HIF1AN: variants seen among roughly 807,000 people sequenced by gnomAD.
HIF1AN encodes hypoxia-inducible factor 1-alpha inhibitor.
HIF1AN carries 21 observed loss-of-function variants against 47.7 expected under a neutral mutation model. The observed-to-expected ratio is 0.44, with a 90% CI of 0.31 to 0.63. The LOEUF (loss-of-function observed/expected upper bound fraction) is 0.63. Among genes scored for constraint, HIF1AN ranks in the 30% least tolerant of loss-of-function variants. The pLI is 0.07. For missense variants in HIF1AN, 320 were observed against 432.7 expected, an observed-to-expected ratio of 0.74 and a Z score of 2.31; for synonymous variants, 152 against 155.9, an observed-to-expected ratio of 0.98 and a Z score of 0.18.
rs112366763 is a variant in HIF1AN, at chr10:100,546,215, C to T, written c.830+166C>T. The stretch of plus-strand genomic sequence containing the variant: ...GTACTGAACCTGTGGGGGATAGTGG[C>T]GGGAATGATAGCCCTGTCTCTAGGA... On this transcript the variant is annotated intron_variant, in intron 5 of 7. Coordinates refer to ENST00000299163, the MANE Select transcript of HIF1AN (RefSeq NM_017902.3). 3.8e-3 allele frequency among the ~76,000 whole-genome samples: 573 copies of T among 152,190 alleles called. 7 individuals carry two copies. The highest frequency in any genetic ancestry group is 0.013 in the African/African-American group (549 of 41,506).
intron 7 of HIF1AN, 103 bp from the exon 8 acceptor site, chr10:100,547,990 G>T: frequency 9.8e-7 from 1 of 1,020,200 alleles, no homozygotes; most frequent in Admixed American, 1.9e-5. Context: ...TGAAAACATT[G>T]TCTCTGTCCT....
Position 100,543,943 on chromosome 10 carries a change from G to A in HIF1AN, c.578-1008G>A, listed in dbSNP as rs536880574. Among the ~76,000 whole-genome samples the A allele has an allele frequency of 2.6e-5, 4 of 152,308 alleles. No homozygotes were observed. The East Asian group carries it at 7.7e-4, about 29-fold the overall frequency. ...GGGTGCATGGAAGTGGATCCCTCAGGTAGAGATGAGAGAGCAAGTCTGCTT... is the reference window on the plus strand; with the variant it reads ...GGGTGCATGGAAGTGGATCCCTCAGATAGAGATGAGAGAGCAAGTCTGCTT... On this transcript the variant is annotated intron_variant, in intron 3 of 7. Coordinates refer to ENST00000299163, the MANE Select transcript of HIF1AN (RefSeq NM_017902.3).
At chr10:100,537,965 AT>A (rs1162567181) in intron 2 of HIF1AN, among the ~76,000 whole-genome samples, 1 of 152,220 alleles carries the variant, frequency 6.6e-6, no homozygotes, top group Non-Finnish European at 1.5e-5. Flanking sequence ...ATTTTCTAAA[AT>A]TTAACACAGT....
chr10:100,546,257 C>G (rs1843092907), intron 5 of HIF1AN, among the ~76,000 whole-genome samples: 1 of 152,058 alleles, frequency 6.6e-6, no homozygotes, highest in African/African-American at 2.4e-5. Flanking sequence ...GACGGTTCTT[C>G]AAGTCCAAAG....
At chr10:100,541,147 C>T (rs1017785940) in intron 3 of HIF1AN, among the ~76,000 whole-genome samples, 8 of 152,034 alleles carry the variant, frequency 5.3e-5, no homozygotes, top group African/African-American at 1.2e-4. Flanking sequence ...TGAACCCAGG[C>T]GGTGGAGGTT....
rs1187624225 is a variant in HIF1AN, at chr10:100,536,473, C to G, written c.240C>G (p.Tyr80Ter). The G allele has an allele frequency of 6.2e-7, 1 of 1,614,018 alleles. No individual in the cohort carries two copies. The highest frequency in any genetic ancestry group is 8.5e-7 in the Non-Finnish European group (1 of 1,179,972). ...VYPALKWDLE[Y>*]LQENIGNGDF... ...CTGCCCTGAAATGGGACCTTGAATA[C>G]CTGCAAGAGAATATTGGCAATGGAG... Residue 80 changes from tyrosine to a stop codon, truncating the protein, a stop_gained, in exon 2 of 8, where the codon TAC becomes TAG. Transcript: ENST00000299163. LOFTEE classifies it high-confidence loss of function.
Position 100,555,352 on chromosome 10 carries a change from G to C in HIF1AN, c.*7215G>C, listed in dbSNP as rs147104485. ...GTAGCCCTCCACCGTTCTCATTTGTGTTCTGGCCTCTGGAGCCACCCTGCC... is the reference window on the plus strand; with the variant it reads ...GTAGCCCTCCACCGTTCTCATTTGTCTTCTGGCCTCTGGAGCCACCCTGCC... On this transcript the variant is annotated 3_prime_UTR_variant, in exon 8 of 8. Coordinates refer to ENST00000299163, the MANE Select transcript of HIF1AN (RefSeq NM_017902.3). 6.6e-6 allele frequency: 1 copy of C among 152,232 alleles called. No individual in the cohort carries two copies. Among genetic ancestry groups the C allele is most frequent in the Admixed American group, 6.5e-5 (1 of 15,282 alleles). 9.4% of individuals were successfully genotyped at this position (152,232 alleles called of 1,614,324 possible).
Position 100,553,992 on chromosome 10 carries a change from T to C in HIF1AN, c.*5855T>C, listed in dbSNP as rs1443404155. The C allele has an allele frequency of 2.6e-5, 4 of 151,820 alleles. No homozygotes were observed. Among genetic ancestry groups the C allele is most frequent in the Admixed American group, 2.0e-4 (3 of 15,174 alleles). The allele number at this position is 151,820 out of a possible 1,614,324, so 9.4% of individuals were successfully genotyped here. On this transcript the variant is annotated 3_prime_UTR_variant, in exon 8 of 8. Coordinates refer to ENST00000299163, the MANE Select transcript of HIF1AN (RefSeq NM_017902.3). ...CAGATTTCCAGTGGTTCTTTCTCTCTCAAGAAAAGCATAGGGAAAAACGAG... is the reference window on the plus strand; with the variant it reads ...CAGATTTCCAGTGGTTCTTTCTCTCCCAAGAAAAGCATAGGGAAAAACGAG...
chr10:100,541,109 C>T (rs546243739), intron 3 of HIF1AN, among the ~76,000 whole-genome samples: 18 of 152,240 alleles, frequency 1.2e-4, no homozygotes, highest in African/African-American at 3.9e-4. Context: ...GTCCCAGCTA[C>T]TCGGGAGGCT....
At chr10:100,536,267 G>A in intron 1 of HIF1AN, 132 bp downstream of exon 1, 1 of 1,282,960 alleles carries the variant, frequency 7.8e-7, no homozygotes, top group Admixed American at 2.1e-5. Context: ...AGAGAAAGGC[G>A]AGGAGATACG....
chr10:100,539,146 G>A (rs1174105616), intron 2 of HIF1AN, among the ~76,000 whole-genome samples: 2 of 152,006 alleles, frequency 1.3e-5, no homozygotes, highest in Non-Finnish European at 2.9e-5. Flanking sequence ...TGCCCAGGCT[G>A]GTCTCGAACT....
chr10:100,540,911 G>C, intron 3 of HIF1AN, 129 bp downstream of exon 3: 1 of 870,468 alleles, frequency 1.1e-6, no homozygotes, highest in Non-Finnish European at 1.7e-6. Context: ...AGCCTACTCA[G>C]CTCTAAAAGA....
At position 100,551,171 on chromosome 10, in the gene HIF1AN, G is replaced by A. The variant is rs1317307539; in HGVS notation, c.*3034G>A. The A allele has an allele frequency of 6.6e-6, 1 of 152,180 alleles. No homozygotes were observed. The highest frequency in any genetic ancestry group is 2.4e-5 in the African/African-American group (1 of 41,432). The allele number at this position is 152,180 out of a possible 1,614,324, so 9.4% of individuals were successfully genotyped here. On this transcript the variant is annotated 3_prime_UTR_variant, in exon 8 of 8. Coordinates refer to ENST00000299163, the MANE Select transcript of HIF1AN (RefSeq NM_017902.3). ...TGTTCTGGGCATCAGTTGAGCAGATGCCCAGGATGCCTGGGGGAGACCAGC... is the reference window on the plus strand; with the variant it reads ...TGTTCTGGGCATCAGTTGAGCAGATACCCAGGATGCCTGGGGGAGACCAGC...
At chr10:100,547,877 G>A (rs919758452) in intron 7 of HIF1AN, among the ~76,000 whole-genome samples, 1 of 152,234 alleles carries the variant, frequency 6.6e-6, no homozygotes, top group African/African-American at 2.4e-5. Context: ...TTGTGCGAGA[G>A]AAGAATAATA....
chr10:100,558,673 A>G lies in HIF1AN; in HGVS notation c.*10536A>G, dbSNP rs955643904. The G allele has an allele frequency of 1.3e-5, 2 of 152,168 alleles. No homozygotes were observed. The highest frequency in any genetic ancestry group is 4.8e-5 in the African/African-American group (2 of 41,440). 9.4% of individuals were successfully genotyped at this position (152,168 alleles called of 1,614,324 possible). The stretch of plus-strand genomic sequence containing the variant: ...CTTTTTATGTAATGGAGGCCATGTG[A>G]TAGGGCTTTATGAGGCCACAAATAG... On this transcript the variant is annotated 3_prime_UTR_variant, in exon 8 of 8. Coordinates refer to ENST00000299163, the MANE Select transcript of HIF1AN (RefSeq NM_017902.3).
Position 100,546,593 on chromosome 10 carries a change from T to G in HIF1AN, c.894+12T>G, listed in dbSNP as rs1431088530. 5.6e-6 allele frequency: 9 copies of G among 1,610,484 alleles called. No individual in the cohort carries two copies. The highest frequency in any genetic ancestry group is 7.6e-6 in the Non-Finnish European group (9 of 1,177,622). ...ACTTCTGGTATAAGGTGAATATGGT[T>G]TGCTTTTTTTGTTTTTTCCAGATGG... On this transcript the variant is annotated intron_variant, in intron 6 of 7. Transcript: ENST00000299163.
chr10:100,557,689 C>G lies in HIF1AN; in HGVS notation c.*9552C>G, dbSNP rs560448496. The stretch of plus-strand genomic sequence containing the variant: ...GAACTCCCGACCTCAGGTGATCTGC[C>G]TGCCTTGGCCTCCCAAAGTGCTGGG... On this transcript the variant is annotated 3_prime_UTR_variant, in exon 8 of 8. Transcript: ENST00000299163. The G allele has an allele frequency of 6.6e-6, 1 of 152,334 alleles. No individual in the cohort carries two copies. The highest frequency in any genetic ancestry group is 1.9e-4 in the East Asian group (1 of 5,180). The allele number at this position is 152,334 out of a possible 1,614,324, so 9.4% of individuals were successfully genotyped here. A position where few individuals can be genotyped will look rare whatever the true frequency, so the allele number is the denominator to read the frequency against.
rs911844859 is a variant in HIF1AN, at chr10:100,551,889, G to A, written c.*3752G>A. 4 of 152,236 alleles carry A rather than the reference G, an allele frequency of 2.6e-5. No individual in the cohort carries two copies. Among genetic ancestry groups the A allele is most frequent in the African/African-American group, 7.2e-5 (3 of 41,454 alleles). The allele number at this position is 152,236 out of a possible 1,614,324, so 9.4% of individuals were successfully genotyped here. A position where few individuals can be genotyped will look rare whatever the true frequency, so the allele number is the denominator to read the frequency against. On this transcript the variant is annotated 3_prime_UTR_variant, in exon 8 of 8. Transcript: ENST00000299163. ...GGACTGTTGAGAGAGGAGGAAACCAGTAGAGAGCAAAGCTCTACCCAGGCT... is the reference window on the plus strand; with the variant it reads ...GGACTGTTGAGAGAGGAGGAAACCAATAGAGAGCAAAGCTCTACCCAGGCT...
At position 100,536,499 on chromosome 10, in the gene HIF1AN, A is replaced by C; in HGVS notation, c.266A>C (p.Asp89Ala). The change falls in exon 2 of 8, where the codon GAC becomes GCC. Residue 89 changes from aspartate (D) to alanine (A), a missense_variant. By Grantham distance (126) the Asp-to-Ala change is moderately radical (BLOSUM62 -2). Around this residue, in one of 2 missense-constraint regions of HIF1AN, gnomAD observed 159 missense variants for 159.9 expected, o/e 0.99. Transcript: ENST00000299163. ...EYLQENIGNG[D>A]FSVYSASTHK... Reference sequence around the variant, plus strand: ...CTGCAAGAGAATATTGGCAATGGAGACTTCTCTGTGTACAGTGCCAGCACC... The same window carrying C: ...CTGCAAGAGAATATTGGCAATGGAGCCTTCTCTGTGTACAGTGCCAGCACC... 2.5e-6 allele frequency: 4 copies of C among 1,614,064 alleles called. No individual in the cohort carries two copies. The highest frequency in any genetic ancestry group is 3.4e-6 in the Non-Finnish European group (4 of 1,180,006).
Sources: gnomAD v4.1 joint callset for allele counts (sites outside exome capture counted in the v4.1 genomes callset) on GRCh38, gnomAD v4.1.1 for gene constraint, gnomAD v4.1.1 regional missense constraint, MANE v1.5 for transcripts, NCBI Gene and HGNC (gene_info 2026-07-23, HGNC 2026-07-21) for gene names.